CEP70: variants seen among roughly 807,000 people sequenced by gnomAD.
CEP70 encodes the protein centrosomal protein of 70 kDa.
A neutral mutation model predicts 90.9 loss-of-function variants in CEP70; 70 were observed. The ratio of observed to expected loss-of-function variants is 0.77; its 90% confidence interval spans 0.64 to 0.94. CEP70 has a LOEUF of 0.94. CEP70 is among the 40% of genes least tolerant of loss of function. The pLI is 0.00. For missense variants in CEP70, 648 were observed against 669.0 expected, an observed-to-expected ratio of 0.97 and a Z score of 0.35; for synonymous variants, 220 against 228.3, an observed-to-expected ratio of 0.96 and a Z score of 0.33.
At chr3:138,497,567 T>C (rs1371107100) in intron 17 of CEP70, 1 of 954,884 alleles carries the variant, frequency 1.0e-6, no homozygotes. Context: ...AGTATAAGTG[T>C]AATATTTCAT....
At chr3:138,496,875 T>C in intron 17 of CEP70, 1 of 985,554 alleles carries the variant, frequency 1.0e-6, no homozygotes, top group African/African-American at 1.7e-5. Flanking sequence ...AGGAAGTTTC[T>C]ATAGAAGCAT....
At chr3:138,552,483 A>T (rs55787718) in intron 6 of CEP70, among the ~76,000 whole-genome samples, 1,566 of 152,252 alleles carry the variant, frequency 0.01, 27 homozygotes, top group African/African-American at 0.037. Flanking sequence ...ACTCTCTCAG[A>T]CCACAGTGGA....
rs138599472 is a variant in CEP70 at position 138,523,664 on chromosome 3, C to A, written c.944+1826G>T. On this transcript the variant is annotated intron_variant, in intron 11 of 17. Transcript: ENST00000264982. Reference sequence around the variant, plus strand: ...ATAAAAAACCCAGGAATCCCACTTACAAGGAACGTGAAGGACCTCTTCAAG... The same window carrying A: ...ATAAAAAACCCAGGAATCCCACTTAAAAGGAACGTGAAGGACCTCTTCAAG... Among the ~76,000 whole-genome samples the A allele has an allele frequency of 4.7e-3, 723 of 152,256 alleles. 4 individuals carry two copies. Among genetic ancestry groups the A allele is most frequent in the African/African-American group, 0.017 (695 of 41,550 alleles).
chr3:138,512,710 A>G (rs898478140), intron 11 of CEP70, among the ~76,000 whole-genome samples: 4 of 152,186 alleles, frequency 2.6e-5, no homozygotes, highest in South Asian at 4.1e-4. Flanking sequence ...TCTATTTTGT[A>G]TAGCCATCTC....
chr3:138,535,860 C>T (rs138201061), intron 7 of CEP70, among the ~76,000 whole-genome samples: 1 of 152,184 alleles, frequency 6.6e-6, no homozygotes, highest in Non-Finnish European at 1.5e-5. Flanking sequence ...CCTTACCTCT[C>T]CTATTTTTCT....
intron 6 of CEP70, among the ~76,000 whole-genome samples, chr3:138,554,133 G>A (rs889837362): frequency 2.2e-4 from 33 of 151,736 alleles, no homozygotes; most frequent in East Asian, 9.7e-4. Flanking sequence ...CCTGGGAGGC[G>A]GAGATTTCAG....
intron 11 of CEP70, among the ~76,000 whole-genome samples, chr3:138,509,212 G>A (rs762367695): frequency 4.6e-5 from 7 of 151,996 alleles, no homozygotes; most frequent in South Asian, 2.1e-4. Flanking sequence ...GGATGGAAGC[G>A]ACTTCCATCC....
At chr3:138,501,971 C>T (rs957450755) in intron 13 of CEP70, among the ~76,000 whole-genome samples, 2 of 152,092 alleles carry the variant, frequency 1.3e-5, no homozygotes, top group Non-Finnish European at 2.9e-5. Flanking sequence ...CTTCTAGGCC[C>T]AAGCACTGTG....
At chr3:138,558,141 G>A (rs1460479830) in intron 6 of CEP70, among the ~76,000 whole-genome samples, 1 of 152,216 alleles carries the variant, frequency 6.6e-6, no homozygotes, top group Non-Finnish European at 1.5e-5. Context: ...GAGGCAGGCG[G>A]ATTGCCTGAG....
At chr3:138,517,987 C>T (rs2036211077) in intron 11 of CEP70, among the ~76,000 whole-genome samples, 1 of 152,210 alleles carries the variant, frequency 6.6e-6, no homozygotes, top group South Asian at 2.1e-4. Context: ...CCCACCCTAA[C>T]ACTGCACTTT....
intron 13 of CEP70, among the ~76,000 whole-genome samples, chr3:138,504,687 A>G (rs9860757): frequency 9.3e-4 from 141 of 152,336 alleles, no homozygotes; most frequent in Admixed American, 3.2e-3. Flanking sequence ...AAAAACTGAA[A>G]AAACCTGAAG....
intron 11 of CEP70, 114 bp from the exon 12 acceptor site, chr3:138,508,658 C>T (rs1237279020): frequency 1.3e-5 from 9 of 706,302 alleles, no homozygotes; most frequent in African/African-American, 3.5e-5. Flanking sequence ...TATCACTTTA[C>T]TTATATGTGT....
At chr3:138,543,171 C>T (rs1241331677) in intron 6 of CEP70, among the ~76,000 whole-genome samples, 2 of 152,152 alleles carry the variant, frequency 1.3e-5, no homozygotes, top group Admixed American at 1.3e-4. Flanking sequence ...TGAGGACCTG[C>T]CCCTTCTGCC....
chr3:138,521,709 G>C (rs915242618), intron 11 of CEP70, among the ~76,000 whole-genome samples: 1 of 151,700 alleles, frequency 6.6e-6, no homozygotes, highest in Non-Finnish European at 1.5e-5. Context: ...CGGGGGGTGG[G>C]GAGACCCTCT....
chr3:138,530,797 G>A, intron 8 of CEP70: 1 of 984,688 alleles, frequency 1.0e-6, no homozygotes, highest in Non-Finnish European at 1.2e-6. Flanking sequence ...TTCTTTAGAT[G>A]ATACCTATAT....
intron 2 of CEP70, 155 bp from the exon 3 acceptor site, chr3:138,573,087 C>T (rs983622177): frequency 6.6e-6 from 4 of 603,216 alleles, no homozygotes; most frequent in Non-Finnish European, 1.2e-5. Context: ...TGCGTCAAAA[C>T]TTTGTGACTT....
intron 12 of CEP70, among the ~76,000 whole-genome samples, chr3:138,506,423 T>C (rs2034994828): frequency 6.6e-6 from 1 of 151,832 alleles, no homozygotes; most frequent in African/African-American, 2.4e-5. Flanking sequence ...ACTATAACCC[T>C]CTCCCCATAA....
At chr3:138,584,363 A>G (rs2042006810) in intron 2 of CEP70, among the ~76,000 whole-genome samples, 1 of 150,252 alleles carries the variant, frequency 6.7e-6, no homozygotes. Flanking sequence ...CACCAACCCT[A>G]CTCAAACTAT....
chr3:138,538,685 C>T (rs543330744), intron 6 of CEP70, among the ~76,000 whole-genome samples: 22 of 152,242 alleles, frequency 1.4e-4, no homozygotes, highest in East Asian at 7.7e-4. Context: ...CTGACCCTAA[C>T]GAGACAGTGT....
Sources: gnomAD v4.1 joint callset for allele counts (sites outside exome capture counted in the v4.1 genomes callset) on GRCh38, gnomAD v4.1.1 for gene constraint, MANE v1.5 for transcripts, NCBI Gene and HGNC (gene_info 2026-07-23, HGNC 2026-07-21) for gene names.